The following ZUP1 variants were observed in gnomAD, a reference collection of about 807,000 sequenced individuals.
ZUP1 encodes zinc finger-containing ubiquitin peptidase 1.
Under a neutral mutation model 68.1 loss-of-function variants are expected in ZUP1, and 55 were observed. That is an observed-to-expected ratio of 0.81 (90% confidence interval 0.65 to 1.01). ZUP1 has a LOEUF of 1.01. Among genes scored for constraint, ZUP1 ranks in the 50% least tolerant of loss-of-function variants. The pLI is 0.00. For synonymous variants in ZUP1, 223 were observed against 221.5 expected, an observed-to-expected ratio of 1.01 and a Z score of -0.06; for missense variants, 684 against 674.9, an observed-to-expected ratio of 1.01 and a Z score of -0.15.
intron 7 of ZUP1, among the ~76,000 whole-genome samples, chr6:116,650,422 C>CA (rs61692064): frequency 0.037 from 1,702 of 46,002 alleles, 91 homozygotes; most frequent in African/African-American, 0.056. Flanking sequence ...AACTCCGTCT[C>CA]AAAAAAAAAA....
intron 3 of ZUP1, chr6:116,660,460 T>C (rs1052495422): frequency 1.1e-5 from 3 of 267,810 alleles, no homozygotes; most frequent in Non-Finnish European, 2.1e-5. Flanking sequence ...CAGCTCAAGA[T>C]GCACTGAAAG....
chr6:116,655,438 A>C (rs1776632801), intron 5 of ZUP1, among the ~76,000 whole-genome samples: 1 of 152,166 alleles, frequency 6.6e-6, no homozygotes, highest in South Asian at 2.1e-4. Flanking sequence ...ACTTGGGATA[A>C]TAGTTCCCTT....
At position 116,635,751 on chromosome 6, in the gene ZUP1, A is replaced by G; in HGVS notation, c.*81T>C. On this transcript the variant is annotated 3_prime_UTR_variant, in exon 10 of 10. Transcript: ENST00000368576. ...ACTTAAGAGAATTCACAGATTCATA[A>G]TTGTATTAAGGAGTTCAATATCTAC... is the stretch of plus-strand genomic sequence containing the variant. 1 of 1,083,280 alleles carries G rather than the reference A, an allele frequency of 9.2e-7. No individual in the cohort carries two copies. The highest frequency in any genetic ancestry group is 1.6e-5 in the South Asian group (1 of 61,450). The allele number at this position is 1,083,280 out of a possible 1,614,324, so 67.1% of individuals were successfully genotyped here.
intron 7 of ZUP1, among the ~76,000 whole-genome samples, chr6:116,649,585 T>C (rs565193734): frequency 6.6e-6 from 1 of 152,190 alleles, no homozygotes; most frequent in Non-Finnish European, 1.5e-5. Context: ...AATTAAAAGT[T>C]TGCTTAGAAG....
intron 4 of ZUP1, among the ~76,000 whole-genome samples, chr6:116,658,519 T>C (rs1336918417): frequency 6.6e-6 from 1 of 152,152 alleles, no homozygotes; most frequent in Non-Finnish European, 1.5e-5. Flanking sequence ...ACTGAGCAAA[T>C]TACTTAACCA....
At chr6:116,665,423 C>G (rs1485863312) in intron 2 of ZUP1, among the ~76,000 whole-genome samples, 1 of 152,038 alleles carries the variant, frequency 6.6e-6, no homozygotes, top group Non-Finnish European at 1.5e-5. Flanking sequence ...AAGAAATTGT[C>G]AAGTTGCACT....
chr6:116,654,342 A>T (rs1471266715), intron 5 of ZUP1, among the ~76,000 whole-genome samples: 1 of 151,998 alleles, frequency 6.6e-6, no homozygotes, highest in Non-Finnish European at 1.5e-5. Context: ...AAATAAGCAT[A>T]ATATGTACTT....
At chr6:116,646,875 C>T (rs758602692) in intron 8 of ZUP1, among the ~76,000 whole-genome samples, 1 of 152,162 alleles carries the variant, frequency 6.6e-6, no homozygotes, top group Admixed American at 6.5e-5. Flanking sequence ...CATGCCTGGC[C>T]TTGAGTTCTA....
chr6:116,644,131 A>G lies in ZUP1; in HGVS notation c.1689+1583T>C, dbSNP rs1776212073. Reference sequence around the variant, plus strand: ...CATCAGAGAAATGCAAATCAAAACCACAATGAGATACCATCTCACACCAGT... The same window carrying G: ...CATCAGAGAAATGCAAATCAAAACCGCAATGAGATACCATCTCACACCAGT... On this transcript the variant is annotated intron_variant, in intron 9 of 9. Transcript: ENST00000368576. Among the ~76,000 whole-genome samples the G allele has an allele frequency of 2.6e-5, 4 of 152,322 alleles. No individual in the cohort carries two copies. The South Asian group carries it at 8.3e-4, about 32-fold the overall frequency.
intron 8 of ZUP1, 74 bp downstream of exon 8, chr6:116,647,385 C>T: frequency 7.9e-7 from 1 of 1,271,878 alleles, no homozygotes; most frequent in Non-Finnish European, 1.0e-6. Flanking sequence ...AACAAAAAAC[C>T]TTAACCTGTC....
chr6:116,666,132 T>C (rs1777001606), intron 2 of ZUP1, among the ~76,000 whole-genome samples: 1 of 152,092 alleles, frequency 6.6e-6, no homozygotes, highest in South Asian at 2.1e-4. Flanking sequence ...AACAACAGGA[T>C]CTAGTGACAT....
At chr6:116,641,956 GA>G (rs1776115370) in intron 9 of ZUP1, among the ~76,000 whole-genome samples, 2 of 151,702 alleles carry the variant, frequency 1.3e-5, no homozygotes, top group African/African-American at 4.8e-5. Flanking sequence ...GACTAATAAA[GA>G]AAAAAAGAAG....
At chr6:116,642,252 G>C (rs1260973366) in intron 9 of ZUP1, among the ~76,000 whole-genome samples, 1 of 152,124 alleles carries the variant, frequency 6.6e-6, no homozygotes, top group African/African-American at 2.4e-5. Flanking sequence ...AATTCTACCA[G>C]AGGTACAAGG....
chr6:116,664,169 GC>G (rs1045644948), intron 2 of ZUP1, among the ~76,000 whole-genome samples: 1 of 152,140 alleles, frequency 6.6e-6, no homozygotes, highest in Admixed American at 6.5e-5. Flanking sequence ...GGTGGCTTAC[GC>G]CTGTAATCCC....
At chr6:116,645,597 A>G (rs911694197) in intron 9 of ZUP1, 117 bp downstream of exon 9, 31 of 809,532 alleles carry the variant, frequency 3.8e-5, no homozygotes, top group Non-Finnish European at 5.2e-5. Flanking sequence ...AAAAAAAAAA[A>G]AAAAGAAAAA....
Position 116,658,857 on chromosome 6 carries a change from T to C in ZUP1, c.738A>G (p.Arg246=). 1 of 1,611,506 alleles carries C rather than the reference T, an allele frequency of 6.2e-7. No individual in the cohort carries two copies. Among genetic ancestry groups the C allele is most frequent in the Non-Finnish European group, 8.5e-7 (1 of 1,178,720 alleles). The stretch of plus-strand genomic sequence containing the variant: ...GTCTTGATTCTTCAGATCTCCTCTT[T>C]CTGTCTTCTTCTTGCTGAAGCTGGT... ...LAHQLQQEED[R]KRRSEESRQE... is the part of the protein sequence containing the mutation. The change falls in exon 4 of 10, where the codon AGA becomes AGG. Residue 246 remains arginine, a synonymous_variant. Coordinates refer to ENST00000368576, the MANE Select transcript of ZUP1 (RefSeq NM_145062.3).
rs1776820246 is a variant in ZUP1, at chr6:116,660,974, A to C, written c.560-128T>G. ...GCGTGCAGTGGCACCATCACGGCTC[A>C]CTGCAGCAATCCTCCCATCTCAGCC... is the stretch of plus-strand genomic sequence containing the variant. On this transcript the variant is annotated intron_variant, in intron 2 of 9. Transcript: ENST00000368576. The C allele has an allele frequency of 8.9e-6, 5 of 563,202 alleles. No homozygotes were observed. In the South Asian group the frequency reaches 1.2e-4, roughly 14 times the overall value. The allele number at this position is 563,202 out of a possible 1,614,324, so 34.9% of individuals were successfully genotyped here.
At chr6:116,645,300 G>T (rs1776256211) in intron 9 of ZUP1, among the ~76,000 whole-genome samples, 2 of 152,232 alleles carry the variant, frequency 1.3e-5, no homozygotes, top group Admixed American at 1.3e-4. Context: ...TACAAAGTGG[G>T]CTAGGCACGG....
chr6:116,656,889 T>C, intron 4 of ZUP1, 37 bp from the exon 5 acceptor site: 1 of 1,370,938 alleles, frequency 7.3e-7, no homozygotes, highest in Non-Finnish European at 1.0e-6. Context: ...AATTTTTACA[T>C]CCCTGTAACT....
Sources: allele counts gnomAD v4.1 joint callset (sites outside exome capture counted in the v4.1 genomes callset), GRCh38; gene constraint gnomAD v4.1.1; transcripts MANE v1.5; gene names NCBI Gene and HGNC (gene_info 2026-07-23, HGNC 2026-07-21).